Variants in SLC9B2 observed in about 807,000 individuals in gnomAD.
SLC9B2 encodes the protein solute carrier family 9 member B2, also known as sodium/hydrogen exchanger 9B2.
In SLC9B2, 39 loss-of-function variants were observed where a neutral mutation model predicts 52.2. The observed-to-expected ratio is 0.75, with a 90% CI of 0.58 to 0.98. The LOEUF (loss-of-function observed/expected upper bound fraction) is 0.98, where lower values mean the gene tolerates loss of function less well. Among genes scored for constraint, SLC9B2 ranks in the 50% least tolerant of loss-of-function variants. SLC9B2 has a pLI of 0.00. For synonymous variants in SLC9B2, 214 were observed against 227.0 expected (o/e 0.94, Z 0.51); for missense variants, 626 against 637.5 (o/e 0.98, Z 0.19).
intron 9 of SLC9B2, among the ~76,000 whole-genome samples, chr4:103,036,300 C>T (rs1458858145): frequency 1.3e-5 from 2 of 152,184 alleles, no homozygotes; most frequent in East Asian, 3.8e-4. Flanking sequence ...ACAGTTATCA[C>T]TTACAAGTGG....
At chr4:103,026,692 G>A in intron 11 of SLC9B2, 101 bp from the exon 12 acceptor site, 1 of 1,063,796 alleles carries the variant, frequency 9.4e-7, no homozygotes, top group Non-Finnish European at 1.3e-6. Flanking sequence ...TTGTTCTTTT[G>A]CTCAACTAAG....
In SLC9B2 at chr4:103,066,526, T is replaced by TA. The variant is rs1365468026; in HGVS notation, c.91-20dup. ...TCTCCTCCTGTGTTTAAAGTAATTT[T>TA]AAAAATCCTTAAAACTGTATATATT... is the stretch of plus-strand genomic sequence containing the variant. On this transcript the variant is annotated intron_variant, in intron 2 of 11. Coordinates refer to ENST00000394785, the MANE Select transcript of SLC9B2 (RefSeq NM_178833.7). 31 of 1,597,870 alleles carry TA rather than the reference T, an allele frequency of 1.9e-5. No homozygotes were observed. The highest frequency in any genetic ancestry group is 2.6e-5 in the Non-Finnish European group (31 of 1,173,130).
At chr4:103,020,568 G>C (rs924298519), downstream of SLC9B2, among the ~76,000 whole-genome samples, 1 of 152,006 alleles carries the variant, frequency 6.6e-6, no homozygotes, top group Non-Finnish European at 1.5e-5. Flanking sequence ...CTTTTTCTTA[G>C]TCATCATCTA....
chr4:103,058,355 G>GGT (rs775225304), intron 3 of SLC9B2, among the ~76,000 whole-genome samples: 4 of 152,000 alleles, frequency 2.6e-5, no homozygotes, highest in South Asian at 2.1e-4. Context: ...TACCTACTAA[G>GGT]GTACCTTTTT....
rs775379114 is a variant in SLC9B2, at chr4:103,026,466, A to C, written c.1518T>G (p.Ser506Arg). 6.2e-7 allele frequency: 1 copy of C among 1,613,900 alleles called. No homozygotes were observed. Among genetic ancestry groups the C allele is most frequent in the East Asian group, 2.2e-5 (1 of 44,876 alleles). Reference protein sequence around the residue: ...LSILITAPIGSLLIGLLGPRL... With the variant: ...LSILITAPIGRLLIGLLGPRL... ...TGGGGCCCAGTAAACCAATAAGCAG[A>C]CTTCCAATTGGGGCTGTGATGAGGA... The change falls in exon 12 of 12, where the codon AGT (serine) becomes AGG (arginine). Residue 506 changes from serine to arginine, a missense_variant. Transcript: ENST00000394785.
intron 1 of SLC9B2, among the ~76,000 whole-genome samples, chr4:103,072,897 A>G (rs1240076041): frequency 6.6e-6 from 1 of 152,122 alleles, no homozygotes. Context: ...TGGGGAAGTG[A>G]TTAAGTCACC....
chr4:103,028,263 T>C (rs574674048), intron 11 of SLC9B2, among the ~76,000 whole-genome samples: 2 of 152,290 alleles, frequency 1.3e-5, no homozygotes, highest in African/African-American at 4.8e-5. Context: ...AAGTGCTTTC[T>C]GAGTTGTTTT....
At chr4:103,072,120 G>A (rs1342144015) in intron 1 of SLC9B2, among the ~76,000 whole-genome samples, 4 of 141,628 alleles carry the variant, frequency 2.8e-5, no homozygotes, top group Admixed American at 2.2e-4. Flanking sequence ...GTGCAGTGGC[G>A]AGATCTCAGC....
chr4:103,038,143 G>A (rs1743333212), intron 9 of SLC9B2, among the ~76,000 whole-genome samples: 1 of 152,132 alleles, frequency 6.6e-6, no homozygotes, highest in African/African-American at 2.4e-5. Context: ...TTACAGGTGT[G>A]AGCCACTGCA....
At chr4:103,043,556 A>T in intron 8 of SLC9B2, 111 bp from the exon 9 acceptor site, 8 of 999,174 alleles carry the variant, frequency 8.0e-6, no homozygotes, top group South Asian at 1.8e-5. Context: ...AAATGTCTAT[A>T]TAAATAGACA....
intron 9 of SLC9B2, among the ~76,000 whole-genome samples, chr4:103,037,230 A>G (rs1256848874): frequency 1.3e-5 from 2 of 151,656 alleles, no homozygotes; most frequent in Non-Finnish European, 1.5e-5. Context: ...GTAGATTACA[A>G]TTATTTCAAT....
Position 103,044,912 on chromosome 4 carries a change from T to A in SLC9B2, c.974A>T (p.Gln325Leu). 1 of 1,613,832 alleles carries A rather than the reference T, an allele frequency of 6.2e-7. No individual in the cohort carries two copies. Residue 325 changes from glutamine (Q) to leucine (L), a missense_variant, in exon 8 of 12, where the codon CAG becomes CTG. Physicochemically the swap from Gln to Leu is moderately radical, Grantham distance 113. Transcript: ENST00000394785. ...CACCTGGTCACGGCTTGGAAAGTAC[T>A]GAATGAAAAATCCAAGAACAGATCC... Reference protein sequence around the residue: ...ATGSVLGFFIQYFPSRDQDKL... With the variant: ...ATGSVLGFFILYFPSRDQDKL...
At chr4:103,070,643 T>C (rs1397488955) in intron 1 of SLC9B2, among the ~76,000 whole-genome samples, 1 of 152,172 alleles carries the variant, frequency 6.6e-6, no homozygotes, top group Non-Finnish European at 1.5e-5. Context: ...GTTTTCGCCA[T>C]GTCAGCGAGG....
Position 103,024,667 on chromosome 4 carries a change from T to G in SLC9B2, c.*1703A>C, listed in dbSNP as rs539184795. On this transcript the variant is annotated 3_prime_UTR_variant, in exon 12 of 12. Transcript: ENST00000394785. ...CAAGATTAAAATGAACTTTGAATTC[T>G]AGGTCGAGGAGTTTAGATAGGATAT... Among the ~76,000 whole-genome samples, 2 of 152,212 alleles carry G rather than the reference T, an allele frequency of 1.3e-5. No individual in the cohort carries two copies. The highest frequency in any genetic ancestry group is 2.9e-5 in the Non-Finnish European group (2 of 68,034).
At chr4:103,041,485 C>T (rs1743638421) in intron 9 of SLC9B2, among the ~76,000 whole-genome samples, 1 of 152,140 alleles carries the variant, frequency 6.6e-6, no homozygotes, top group Admixed American at 6.5e-5. Context: ...TGATCAGTTT[C>T]CCTTTCCCTC....
chr4:103,055,738 T>G (rs1229945836), intron 4 of SLC9B2, among the ~76,000 whole-genome samples: 1 of 151,924 alleles, frequency 6.6e-6, no homozygotes, highest in Non-Finnish European at 1.5e-5. Flanking sequence ...ACTGAGTGAT[T>G]AATAAATCTG....
chr4:103,049,411 G>A (rs1744461251), intron 5 of SLC9B2, among the ~76,000 whole-genome samples: 1 of 151,882 alleles, frequency 6.6e-6, no homozygotes, highest in Non-Finnish European at 1.5e-5. Flanking sequence ...TTTATAATTT[G>A]TGGTCCCAGA....
At chr4:103,059,616 A>G (rs1027207573) in intron 3 of SLC9B2, among the ~76,000 whole-genome samples, 1 of 152,202 alleles carries the variant, frequency 6.6e-6, no homozygotes, top group Non-Finnish European at 1.5e-5. Flanking sequence ...TTTATCTTTA[A>G]TTGTAAGAAA....
Position 103,050,115 on chromosome 4 carries a change from T to C in SLC9B2, c.585+125A>G, listed in dbSNP as rs563004281. 13 of 865,364 alleles carry C rather than the reference T, an allele frequency of 1.5e-5. 1 individual carries two copies. In the South Asian group the frequency reaches 5.1e-4, roughly 34 times the overall value. The allele number at this position is 865,364 out of a possible 1,614,324, so 53.6% of individuals were successfully genotyped here. On this transcript the variant is annotated intron_variant, in intron 5 of 11. Coordinates refer to ENST00000394785, the MANE Select transcript of SLC9B2 (RefSeq NM_178833.7). ...AATCCTCCATGAAATAAATTCTATT[T>C]TATTCTCAAGAATGTCATGCAAAGT...
Sources: allele counts gnomAD v4.1 joint callset (sites outside exome capture counted in the v4.1 genomes callset), GRCh38; gene constraint gnomAD v4.1.1; transcripts MANE v1.5; gene names NCBI Gene and HGNC (gene_info 2026-07-23, HGNC 2026-07-21).